Variants in ME1 observed in about 807,000 individuals in gnomAD.
The protein encoded by ME1 is malic enzyme 1, also known as NADP-dependent malic enzyme.
A neutral mutation model predicts 66.4 loss-of-function variants in ME1; 74 were observed. The observed-to-expected ratio is 1.11, with a 90% CI of 0.92 to 1.35. The LOEUF (loss-of-function observed/expected upper bound fraction) is 1.35, where lower values mean the gene tolerates loss of function less well. Ranked by LOEUF, ME1 falls within the 40% of genes most tolerant of loss-of-function variation. The pLI is 0.00. For missense variants in ME1, 750 were observed against 694.1 expected, an observed-to-expected ratio of 1.08 and a Z score of -0.90; for synonymous variants, 251 against 235.6, an observed-to-expected ratio of 1.07 and a Z score of -0.60.
chr6:83,294,092 A>C (rs1157879021), intron 6 of ME1, among the ~76,000 whole-genome samples: 1 of 152,196 alleles, frequency 6.6e-6, no homozygotes, highest in Non-Finnish European at 1.5e-5. Context: ...TTATATATTA[A>C]ATATGGGACA....
chr6:83,409,073 T>A (rs1180446547), intron 1 of ME1, among the ~76,000 whole-genome samples: 1 of 152,150 alleles, frequency 6.6e-6, no homozygotes, highest in Non-Finnish European at 1.5e-5. Context: ...CCTTCTGCCA[T>A]GTGAGGACAC....
intron 5 of ME1, among the ~76,000 whole-genome samples, chr6:83,328,156 G>T (rs143944960): frequency 6.6e-6 from 1 of 152,126 alleles, no homozygotes; most frequent in African/African-American, 2.4e-5. Context: ...ATGAGTTCAC[G>T]TCCTTTGCAG....
At chr6:83,232,134 T>G (rs1251174472) in intron 9 of ME1, among the ~76,000 whole-genome samples, 1 of 152,178 alleles carries the variant, frequency 6.6e-6, no homozygotes, top group African/African-American at 2.4e-5. Context: ...ATTTATTCCT[T>G]CCTACATACA....
At chr6:83,304,700 G>A (rs1424130286) in intron 6 of ME1, among the ~76,000 whole-genome samples, 6 of 152,088 alleles carry the variant, frequency 3.9e-5, no homozygotes, top group East Asian at 1.9e-4. Context: ...TGTTAATTCT[G>A]GCTTGCTTTA....
intron 13 of ME1, among the ~76,000 whole-genome samples, chr6:83,215,717 AG>A (rs1184140870): frequency 5.9e-5 from 9 of 152,220 alleles, no homozygotes; most frequent in African/African-American, 2.2e-4. Context: ...CTGCCAGCCA[AG>A]GAGAGAGGCC....
In ME1 at chr6:83,211,981, A is replaced by C. The variant is rs760393966; in HGVS notation, c.1662T>G (p.Pro554=). 3 of 1,609,410 alleles carry C rather than the reference A, an allele frequency of 1.9e-6. No individual in the cohort carries two copies. Among genetic ancestry groups the C allele is most frequent in the South Asian group, 2.2e-5 (2 of 90,176 alleles). The change falls in exon 14 of 14, where the codon CCT becomes CCG. Residue 554 remains proline, a synonymous_variant. Transcript: ENST00000369705. ...CCTCTTCAGGCCAAGAATAACAATC[A>C]GGTAGAATCTGGTCATAATCAGTAC... ...MYSTDYDQIL[P]DCYSWPEEVQ... is the part of the protein sequence containing the mutation.
intron 6 of ME1, among the ~76,000 whole-genome samples, chr6:83,307,397 T>C (rs928649084): frequency 1.4e-4 from 21 of 152,250 alleles, no homozygotes; most frequent in Admixed American, 1.3e-3. Flanking sequence ...TGCTGATTTT[T>C]CTCACATTGA....
chr6:83,227,962 AC>A (rs1226301101), intron 10 of ME1, among the ~76,000 whole-genome samples: 1 of 152,226 alleles, frequency 6.6e-6, no homozygotes, highest in African/African-American at 2.4e-5. Context: ...GAAATGAAAA[AC>A]AATAAGATTA....
Position 83,430,890 on chromosome 6 carries a change from G to T in ME1, c.65C>A (p.Pro22His). Reference protein sequence around the residue: ...HQRGYLLTRNPHLNKDLAFTL... With the variant: ...HQRGYLLTRNHHLNKDLAFTL... ...CTGCGGGTTTACCTTGTTGAGGTGAGGGTTCCGTGTCAGCAGGTAGCCGCG... is the reference window on the plus strand; with the variant it reads ...CTGCGGGTTTACCTTGTTGAGGTGATGGTTCCGTGTCAGCAGGTAGCCGCG... The change falls in exon 1 of 14, where the codon CCT (proline) becomes CAT (histidine). Residue 22 changes from proline (P) to histidine (H), a missense_variant. Pro to His is a moderately conservative substitution (Grantham distance 77). Coordinates refer to ENST00000369705, the MANE Select transcript of ME1 (RefSeq NM_002395.6). 1.2e-6 allele frequency: 2 copies of T among 1,602,698 alleles called. No homozygotes were observed. The highest frequency in any genetic ancestry group is 2.3e-5 in the East Asian group (1 of 43,712).
At chr6:83,301,161 G>A (rs947478072) in intron 6 of ME1, among the ~76,000 whole-genome samples, 34 of 150,414 alleles carry the variant, frequency 2.3e-4, no homozygotes, top group African/African-American at 6.3e-4. Context: ...AAACCTGCAC[G>A]TTGTGCACAT....
chr6:83,287,812 T>C lies in ME1; in HGVS notation c.704+27498A>G, dbSNP rs151209819. Among the ~76,000 whole-genome samples, 867 of 152,288 alleles carry C rather than the reference T, an allele frequency of 5.7e-3. 9 individuals are homozygous for C. Among genetic ancestry groups the C allele is most frequent in the African/African-American group, 0.02 (826 of 41,570 alleles). ...CTATTTTTCCACAACCTCTCCAGCA[T>C]CTGTTGTTTCCTGACTTTCTAATGA... On this transcript the variant is annotated intron_variant, in intron 6 of 13. Transcript: ENST00000369705.
At chr6:83,360,106 CAG>C (rs1768980377) in intron 3 of ME1, among the ~76,000 whole-genome samples, 1 of 152,180 alleles carries the variant, frequency 6.6e-6, no homozygotes, top group Non-Finnish European at 1.5e-5. Flanking sequence ...ATTATAAAAA[CAG>C]AGAATCATGA....
chr6:83,367,849 T>G (rs1431517054), intron 3 of ME1, among the ~76,000 whole-genome samples: 1 of 152,218 alleles, frequency 6.6e-6, no homozygotes, highest in Non-Finnish European at 1.5e-5. Flanking sequence ...CACTTTTAAT[T>G]TCATTCAAGA....
Position 83,413,810 on chromosome 6 carries a change from T to C in ME1, c.79-5909A>G, listed in dbSNP as rs1490877920. ...TTTAAATTCTAATTGATAATATAGA[T>C]AACAATTTCTAGAATTGGCTGGGCA... On this transcript the variant is annotated intron_variant, in intron 1 of 13. Coordinates refer to ENST00000369705, the MANE Select transcript of ME1 (RefSeq NM_002395.6). Among the ~76,000 whole-genome samples, 11 of 152,278 alleles carry C rather than the reference T, an allele frequency of 7.2e-5. No homozygotes were observed. In the East Asian group the frequency reaches 1.9e-3, roughly 27 times the overall value.
At chr6:83,366,803 C>T (rs1027169675) in intron 3 of ME1, among the ~76,000 whole-genome samples, 2 of 152,138 alleles carry the variant, frequency 1.3e-5, no homozygotes, top group Non-Finnish European at 2.9e-5. Context: ...CTCAAAGTCA[C>T]TTATGAGGGA....
At chr6:83,331,951 C>T (rs1383919641) in intron 5 of ME1, among the ~76,000 whole-genome samples, 1 of 151,948 alleles carries the variant, frequency 6.6e-6, no homozygotes, top group Non-Finnish European at 1.5e-5. Flanking sequence ...TAGTCATATA[C>T]AAGAAAAACA....
At chr6:83,275,607 A>G (rs1389348771) in intron 6 of ME1, among the ~76,000 whole-genome samples, 2 of 143,090 alleles carry the variant, frequency 1.4e-5, no homozygotes, top group African/African-American at 5.2e-5. Flanking sequence ...CTAGGACTAC[A>G]GGCGCCGCCA....
chr6:83,277,653 G>A (rs1436371676), intron 6 of ME1, among the ~76,000 whole-genome samples: 1 of 152,116 alleles, frequency 6.6e-6, no homozygotes, highest in Non-Finnish European at 1.5e-5. Flanking sequence ...TGTAATCCCA[G>A]CACTTTGGGA....
intron 3 of ME1, among the ~76,000 whole-genome samples, chr6:83,378,927 A>G (rs1266211550): frequency 6.6e-6 from 1 of 152,104 alleles, no homozygotes; most frequent in Non-Finnish European, 1.5e-5. Flanking sequence ...GTTTTCTAGC[A>G]TGTACCTCAT....
Sources: allele counts gnomAD v4.1 joint callset (sites outside exome capture counted in the v4.1 genomes callset), GRCh38; gene constraint gnomAD v4.1.1; transcripts MANE v1.5; gene names NCBI Gene and HGNC (gene_info 2026-07-23, HGNC 2026-07-21).